ARHGEF1: variants seen among roughly 807,000 people sequenced by gnomAD.
ARHGEF1 encodes the protein Rho guanine nucleotide exchange factor 1.
In ARHGEF1, 40 loss-of-function variants were observed where a neutral mutation model predicts 119.7. The observed-to-expected ratio is 0.33, with a 90% CI of 0.26 to 0.44. The LOEUF (loss-of-function observed/expected upper bound fraction) is 0.44, where lower values mean the gene tolerates loss of function less well. Ranked by LOEUF, ARHGEF1 falls within the 20% of genes least tolerant of loss-of-function variation. ARHGEF1 has a pLI of 1.00. For synonymous variants in ARHGEF1, 494 were observed against 521.0 expected (o/e 0.95, Z 0.71); for missense variants, 976 against 1,268.3 (o/e 0.77, Z 3.50).
rs1555849325 is a variant in ARHGEF1 at position 41,902,803 on chromosome 19, G to T, written c.1643G>T (p.Arg548Leu). 7 of 1,613,014 alleles carry T rather than the reference G, an allele frequency of 4.3e-6. No homozygotes were observed. Among genetic ancestry groups the T allele is most frequent in the Non-Finnish European group, 5.9e-6 (7 of 1,179,990 alleles). The part of the protein sequence containing the change: ...AFVQEAESRP[R>L]CRRLQLKDMI... ...CCGCAGGAAGCTGAGAGCCGCCCGCGGTGCCGCCGCCTGCAGCTGAAGGAC... is the reference window on the plus strand; with the variant it reads ...CCGCAGGAAGCTGAGAGCCGCCCGCTGTGCCGCCGCCTGCAGCTGAAGGAC... Residue 548 changes from arginine (R) to leucine (L), a missense_variant, in exon 18 of 29, where the codon CGG (arginine) becomes CTG (leucine). Physicochemically the swap from Arg to Leu is moderately radical, Grantham distance 102. Transcript: ENST00000354532. This position sits in a 1 kb window ranked among gnomAD's most constrained non-coding sequence, Gnocchi z 6.5.
Position 41,893,340 on chromosome 19 carries a change from T to C in ARHGEF1, c.644+37T>C, listed in dbSNP as rs142963850. Reference sequence around the variant, plus strand: ...AGGGGAGGCGTGCGGCCTCCTGGGTTTGAGGGAGGAGGGGGCTGAGGGCCT... The same window carrying C: ...AGGGGAGGCGTGCGGCCTCCTGGGTCTGAGGGAGGAGGGGGCTGAGGGCCT... On this transcript the variant is annotated intron_variant, in intron 8 of 28. Coordinates refer to ENST00000354532, the MANE Select transcript of ARHGEF1 (RefSeq NM_004706.4). 15,208 of 1,537,318 alleles carry C rather than the reference T, an allele frequency of 9.9e-3. 794 individuals carry two copies. The East Asian group carries it at 0.14, about 14-fold the overall frequency.
rs2074802687 is a variant in ARHGEF1, at chr19:41,916,542, GAC to G, written c.1866-6545_1866-6544del. ...CAAAGACACAAAATCACAAATCCTA[GAC>G]ACACTGTGTAAACACATAATCACAC... On this transcript the variant is annotated intron_variant, in intron 18 of 20. Transcript: ENST00000599589. This position sits in a 1 kb window ranked among gnomAD's most constrained non-coding sequence, Gnocchi z 5.4. Among the ~76,000 whole-genome samples, 1 of 151,850 alleles carries G rather than the reference GAC, an allele frequency of 6.6e-6. No individual in the cohort carries two copies. Among genetic ancestry groups the G allele is most frequent in the South Asian group, 2.1e-4 (1 of 4,820 alleles).
rs781975194 is a variant in ARHGEF1, at chr19:41,904,015, A to G, written c.1918-20A>G. 41 of 1,600,798 alleles carry G rather than the reference A, an allele frequency of 2.6e-5. No individual in the cohort carries two copies. Among genetic ancestry groups the G allele is most frequent in the Non-Finnish European group, 3.4e-5 (40 of 1,172,348 alleles). On this transcript the variant is annotated intron_variant, in intron 20 of 28. Coordinates refer to ENST00000354532, the MANE Select transcript of ARHGEF1 (RefSeq NM_004706.4). The surrounding 1 kb of genome is among the most constrained non-coding windows in gnomAD (Gnocchi z 8.4). ...CACCCCCTGCCAACCTGCACAAACC[A>G]TCACCCCCTCCTGCCCCAGAACCTG...
intron 1 of ARHGEF1, among the ~76,000 whole-genome samples, chr19:41,925,103 C>T (rs1555853120): frequency 6.6e-6 from 1 of 152,072 alleles, no homozygotes; most frequent in Non-Finnish European, 1.5e-5. Context: ...GAGGTGACCC[C>T]TAGACCCAGC....
At chr19:41,908,139 G>T, downstream of ARHGEF1, 1 of 1,064,028 alleles carries the variant, frequency 9.4e-7, no homozygotes, top group Non-Finnish European at 1.2e-6. The surrounding 1 kb of genome is among the most constrained non-coding windows in gnomAD (Gnocchi z 6.7). Flanking sequence ...GGTGCTGAGG[G>T]CTGGTCCTGG....
intron 13 of ARHGEF1, chr19:41,897,744 G>A: frequency 2.1e-6 from 1 of 484,422 alleles, no homozygotes; most frequent in Non-Finnish European, 3.5e-6. Context: ...TCCCTGTCCT[G>A]GTCTCTCCCC....
chr19:41,907,117 A>AG lies in ARHGEF1; in HGVS notation c.*30_*31insG, dbSNP rs2074715185. Reference sequence around the variant, plus strand: ...CTACATCCCCCAGGCCTTTTGCAAGAAGGAGAGGAATGGGGGAGAGGACGT... The same window carrying AG: ...CTACATCCCCCAGGCCTTTTGCAAGAGAGGAGAGGAATGGGGGAGAGGACGT... On this transcript the variant is annotated 3_prime_UTR_variant, in exon 29 of 29. Transcript: ENST00000354532. The AG allele has an allele frequency of 6.6e-7, 1 of 1,526,056 alleles. No homozygotes were observed. The highest frequency in any genetic ancestry group is 8.7e-7 in the Non-Finnish European group (1 of 1,142,910). 94.5% of individuals were successfully genotyped at this position (1,526,056 alleles called of 1,614,324 possible).
At chr19:41,895,868 C>T (rs6509003) in intron 12 of ARHGEF1, among the ~76,000 whole-genome samples, 1 of 152,128 alleles carries the variant, frequency 6.6e-6, no homozygotes, top group Non-Finnish European at 1.5e-5. Flanking sequence ...CCTCACCATC[C>T]TTACACTGCT....
upstream of ARHGEF1, among the ~76,000 whole-genome samples, chr19:41,921,643 G>A (rs1555852503): frequency 6.6e-6 from 1 of 152,132 alleles, no homozygotes; most frequent in Non-Finnish European, 1.5e-5. The surrounding 1 kb of genome is among the most constrained non-coding windows in gnomAD (Gnocchi z 4.4). Context: ...TGGGTTGGGA[G>A]GAAGGAGAGA....
At chr19:41,909,834 G>A, downstream of ARHGEF1, 1 of 1,570,964 alleles carries the variant, frequency 6.4e-7, no homozygotes, top group Non-Finnish European at 8.6e-7. The surrounding 1 kb of genome is among the most constrained non-coding windows in gnomAD (Gnocchi z 5.2). Context: ...AAAGGACAAG[G>A]TGGGATCCAG....
chr19:41,890,371 G>T (rs1428885199), intron 4 of ARHGEF1: 1 of 151,386 alleles, frequency 6.6e-6, no homozygotes, highest in Non-Finnish European at 1.5e-5. Context: ...GTGGGGCCGG[G>T]CATGGTGGCT....
chr19:41,927,920 T>C (rs1247616851), intron 1 of ARHGEF1: 1 of 150,774 alleles, frequency 6.6e-6, no homozygotes, highest in Non-Finnish European at 1.5e-5. Flanking sequence ...CGCCTACCCC[T>C]CCACCGGCTC....
chr19:41,894,682 G>C, intron 11 of ARHGEF1, 21 bp downstream of exon 11: 2 of 1,613,688 alleles, frequency 1.2e-6, no homozygotes, highest in Non-Finnish European at 1.7e-6. Context: ...TGTAGCCATA[G>C]CATCCATACT....
intron 18 of ARHGEF1, among the ~76,000 whole-genome samples, chr19:41,915,962 G>A (rs181885420): frequency 1.6e-4 from 24 of 151,968 alleles, no homozygotes; most frequent in African/African-American, 5.5e-4. Flanking sequence ...CCGGCGTGGT[G>A]CGGATGGGTA....
In ARHGEF1 at chr19:41,905,832, G is replaced by C; in HGVS notation, c.2404+5G>C. 1.2e-6 allele frequency: 2 copies of C among 1,614,126 alleles called. No individual in the cohort carries two copies. The highest frequency in any genetic ancestry group is 1.7e-6 in the Non-Finnish European group (2 of 1,180,008). On this transcript the variant is annotated splice_donor_5th_base_variant and intron_variant, in intron 25 of 28. Coordinates refer to ENST00000354532, the MANE Select transcript of ARHGEF1 (RefSeq NM_004706.4). The surrounding 1 kb of genome is among the most constrained non-coding windows in gnomAD (Gnocchi z 6.4). ...GAGAGACGTCTCCAGCTGATGGTGA[G>C]ACCAGAGGGATGCTGGGTGAGGGGC...
At chr19:41,893,094 C>A in intron 7 of ARHGEF1, 180 bp from the exon 8 acceptor site, 1 of 1,016,776 alleles carries the variant, frequency 9.8e-7, no homozygotes, top group Non-Finnish European at 1.4e-6. Context: ...GGATCCCATC[C>A]TCCTGGATGA....
At position 41,917,588 on chromosome 19, in the gene ARHGEF1, G is replaced by A. The variant is rs1427256031; in HGVS notation, c.1866-5504G>A. 3.3e-5 allele frequency among the ~76,000 whole-genome samples: 5 copies of A among 151,432 alleles called. No individual in the cohort carries two copies. Among genetic ancestry groups the A allele is most frequent in the Admixed American group, 6.6e-5 (1 of 15,218 alleles). ...CTCTGTCTAAAGAGGAGAGAGACGCGGCCTAAGACCCTTCTGCCACCGCCG... is the reference window on the plus strand; with the variant it reads ...CTCTGTCTAAAGAGGAGAGAGACGCAGCCTAAGACCCTTCTGCCACCGCCG... On this transcript the variant is annotated intron_variant, in intron 18 of 20. Coordinates refer to the ARHGEF1 transcript ENST00000599589. The surrounding 1 kb of genome is among the most constrained non-coding windows in gnomAD (Gnocchi z 4.8).
chr19:41,912,660 C>A (rs2074760178), intron 18 of ARHGEF1, among the ~76,000 whole-genome samples: 1 of 152,224 alleles, frequency 6.6e-6, no homozygotes, highest in African/African-American at 2.4e-5. Context: ...ACGCAGGGGG[C>A]AGGGGAATCT....
At chr19:41,894,766 G>A in intron 11 of ARHGEF1, 105 bp downstream of exon 11, 3 of 1,284,332 alleles carry the variant, frequency 2.3e-6, no homozygotes, top group East Asian at 3.5e-5. Flanking sequence ...CTGGACGCCT[G>A]GTTCTGAGGG....
Sources: allele counts gnomAD v4.1 joint callset (sites outside exome capture counted in the v4.1 genomes callset), GRCh38; gene constraint gnomAD v4.1.1; non-coding constraint Gnocchi (gnomAD v3.1); transcripts MANE v1.5; gene names NCBI Gene and HGNC (gene_info 2026-07-23, HGNC 2026-07-21).